The following ATRNL1 variants were observed in gnomAD, a reference collection of about 807,000 sequenced individuals.
ATRNL1 encodes attractin like 1, also known as attractin-like protein 1.
A neutral mutation model predicts 182.7 loss-of-function variants in ATRNL1; 95 were observed. The ratio of observed to expected loss-of-function variants is 0.52; its 90% CI spans 0.44 to 0.62. The LOEUF is 0.62. Ranked by LOEUF, ATRNL1 falls within the 20% of genes least tolerant of loss-of-function variation. ATRNL1 has a pLI of 0.00. For missense variants in ATRNL1, 1,471 were observed against 1,679.5 expected (o/e 0.88, Z 2.17); for synonymous variants, 576 against 568.3 (o/e 1.01, Z -0.19).
chr10:115,527,992 C>T lies in ATRNL1; in HGVS notation c.3716+8668C>T, dbSNP rs1460146805. 4.7e-3 allele frequency among the ~76,000 whole-genome samples: 227 copies of T among 48,324 alleles called. 20 individuals carry two copies. Among genetic ancestry groups the T allele is most frequent in the African/African-American group, 0.022 (212 of 9,608 alleles). 31.7% of individuals were successfully genotyped at this position (48,324 alleles called of 152,430 possible). ...TCCCTCCTTCCCTCCCTCCCTCCCT[C>T]CCTCCCTTCCTTCCTTCCTTCCTTC... On this transcript the variant is annotated intron_variant, in intron 25 of 28. Transcript: ENST00000355044.
intron 5 of ATRNL1, among the ~76,000 whole-genome samples, chr10:115,155,611 T>C (rs1775351277): frequency 6.6e-6 from 1 of 152,188 alleles, no homozygotes; most frequent in Non-Finnish European, 1.5e-5. Flanking sequence ...TAAGGTGCTT[T>C]TCATTCATCC....
intron 24 of ATRNL1, among the ~76,000 whole-genome samples, chr10:115,498,577 A>G (rs1849666223): frequency 6.6e-6 from 1 of 151,978 alleles, no homozygotes; most frequent in East Asian, 1.9e-4. Context: ...AAAGCACCTC[A>G]CTGTTACTAC....
At chr10:115,312,800 T>A (rs1372866840) in intron 17 of ATRNL1, among the ~76,000 whole-genome samples, 1 of 152,046 alleles carries the variant, frequency 6.6e-6, no homozygotes, top group Non-Finnish European at 1.5e-5. Context: ...CTTTGTTCCT[T>A]TTTTAAATTA....
intron 20 of ATRNL1, among the ~76,000 whole-genome samples, chr10:115,400,985 A>G (rs1425354674): frequency 1.3e-5 from 2 of 152,066 alleles, no homozygotes; most frequent in African/African-American, 4.8e-5. Context: ...AGAATTTAAC[A>G]AAGACATTGT....
chr10:115,861,128 C>T (rs1268415678), intron 28 of ATRNL1, among the ~76,000 whole-genome samples: 1 of 152,136 alleles, frequency 6.6e-6, no homozygotes, highest in Non-Finnish European at 1.5e-5. Context: ...TACCCATCAG[C>T]CCCTCTCCGA....
At chr10:115,665,790 C>T (rs1304275107) in intron 26 of ATRNL1, among the ~76,000 whole-genome samples, 3 of 152,128 alleles carry the variant, frequency 2.0e-5, no homozygotes, top group African/African-American at 4.8e-5. Context: ...ATAAGGCAGA[C>T]ATTGGACCAA....
rs538498527 is a variant in ATRNL1, at chr10:115,666,409, G to A, written c.3796-60839G>A. Among the ~76,000 whole-genome samples the A allele has an allele frequency of 5.9e-5, 9 of 152,140 alleles. No homozygotes were observed. In the South Asian group the frequency reaches 6.2e-4, roughly 11 times the overall value. ...CATAGCTTCCTTAACACCCATTACC[G>A]TAGTTTATTGAGAGTTGGCTCGGTT... On this transcript the variant is annotated intron_variant, in intron 26 of 28. Transcript: ENST00000355044.
chr10:115,340,366 C>G (rs1214845096), intron 19 of ATRNL1, among the ~76,000 whole-genome samples: 3 of 151,890 alleles, frequency 2.0e-5, no homozygotes, highest in Admixed American at 2.0e-4. Flanking sequence ...TGGTCTAGAT[C>G]TCCTGACCTT....
At chr10:115,841,730 G>T (rs573589981) in intron 27 of ATRNL1, among the ~76,000 whole-genome samples, 1 of 151,890 alleles carries the variant, frequency 6.6e-6, no homozygotes, top group South Asian at 2.1e-4. Context: ...ATCATTTCAT[G>T]CAAAGCAAAA....
At chr10:115,398,407 T>C (rs1844391711) in intron 20 of ATRNL1, among the ~76,000 whole-genome samples, 1 of 152,040 alleles carries the variant, frequency 6.6e-6, no homozygotes, top group Non-Finnish European at 1.5e-5. Context: ...CAGTGGTTTT[T>C]AGTTTTCCTT....
At chr10:115,467,671 A>G (rs936475577) in intron 23 of ATRNL1, among the ~76,000 whole-genome samples, 1 of 150,718 alleles carries the variant, frequency 6.6e-6, no homozygotes, top group African/African-American at 2.4e-5. Flanking sequence ...GTAAACATCT[A>G]TTATTGTCAA....
At chr10:115,233,997 G>A (rs1249137315) in intron 9 of ATRNL1, among the ~76,000 whole-genome samples, 1 of 151,294 alleles carries the variant, frequency 6.6e-6, no homozygotes, top group Admixed American at 6.6e-5. Context: ...AAAATGAGTT[G>A]GGGAGTATTC....
chr10:115,207,900 G>A (rs1377946088), intron 8 of ATRNL1, among the ~76,000 whole-genome samples: 1 of 151,842 alleles, frequency 6.6e-6, no homozygotes, highest in Non-Finnish European at 1.5e-5. Context: ...TACAGATTTT[G>A]TTAAATTTTG....
chr10:115,942,301 TA>T (rs1953754938), intron 28 of ATRNL1, among the ~76,000 whole-genome samples: 1 of 152,254 alleles, frequency 6.6e-6, no homozygotes, highest in African/African-American at 2.4e-5. Context: ...CTGCTGGCCG[TA>T]CTTCCTGTCA....
chr10:115,389,556 A>ATGTG (rs1200613311), intron 19 of ATRNL1, among the ~76,000 whole-genome samples: 2 of 75,284 alleles, frequency 2.7e-5, no homozygotes. Flanking sequence ...ATATATATAT[A>ATGTG]TATATATATA....
rs1554944115 is a variant in ATRNL1 at position 115,361,200 on chromosome 10, AT to A, written c.3175+26786del. Among the ~76,000 whole-genome samples, 5 of 152,048 alleles carry A rather than the reference AT, an allele frequency of 3.3e-5. No homozygotes were observed. The South Asian group carries it at 8.3e-4, about 25-fold the overall frequency. ...TCTTCTGTAATCAATGATTATTATG[AT>A]TTTTACCAAATGGTGATTTTCTAAT... On this transcript the variant is annotated intron_variant, in intron 19 of 28. Transcript: ENST00000355044.
chr10:115,414,211 T>G (rs1554960438), intron 20 of ATRNL1, among the ~76,000 whole-genome samples: 3 of 152,076 alleles, frequency 2.0e-5, no homozygotes, highest in African/African-American at 7.2e-5. Flanking sequence ...TAAAAGATTC[T>G]GGAATCTGAT....
At chr10:115,364,655 T>A (rs1266752528) in intron 19 of ATRNL1, among the ~76,000 whole-genome samples, 1 of 151,080 alleles carries the variant, frequency 6.6e-6, no homozygotes, top group Non-Finnish European at 1.5e-5. Flanking sequence ...TGGCTGTGGG[T>A]TTGTCATAGA....
At chr10:115,520,022 G>T (rs1554984809) in intron 25 of ATRNL1, among the ~76,000 whole-genome samples, 1 of 152,150 alleles carries the variant, frequency 6.6e-6, no homozygotes, top group Non-Finnish European at 1.5e-5. Flanking sequence ...GATTGGAAGA[G>T]ATCTTATTTT....
Sources: allele counts gnomAD v4.1 joint callset (sites outside exome capture counted in the v4.1 genomes callset), GRCh38; gene constraint gnomAD v4.1.1; transcripts MANE v1.5; gene names NCBI Gene and HGNC (gene_info 2026-07-23, HGNC 2026-07-21).